The following UBE2G1 variants were observed in gnomAD, a reference collection of about 807,000 sequenced individuals.
The protein encoded by UBE2G1 is ubiquitin conjugating enzyme E2 G1, also known as ubiquitin-conjugating enzyme E2 G1.
In UBE2G1, 5 loss-of-function variants were observed where a neutral mutation model predicts 22.7. The observed-to-expected ratio is 0.22, with a 90% CI of 0.12 to 0.46. The LOEUF is 0.46. Among genes scored for constraint, UBE2G1 ranks in the 20% least tolerant of loss-of-function variants. The pLI is 0.99. For synonymous variants in UBE2G1, 74 were observed against 67.5 expected (o/e 1.10, Z -0.47); for missense variants, 88 against 203.9 (o/e 0.43, Z 3.46).
intron 1 of UBE2G1, among the ~76,000 whole-genome samples, chr17:4,357,078 G>A (rs144897740): frequency 5.9e-5 from 9 of 151,836 alleles, no homozygotes; most frequent in Admixed American, 4.6e-4. Context: ...CTGCCCCATC[G>A]GCATTTTCAA....
intron 1 of UBE2G1, among the ~76,000 whole-genome samples, chr17:4,364,949 G>A (rs959525245): frequency 1.3e-5 from 2 of 152,144 alleles, no homozygotes; most frequent in Non-Finnish European, 2.9e-5. Context: ...TCCATTTACT[G>A]CAAGCTAACT....
chr17:4,298,744 T>A (rs1248408452), intron 2 of UBE2G1, among the ~76,000 whole-genome samples: 2 of 152,116 alleles, frequency 1.3e-5, no homozygotes, highest in Admixed American at 6.6e-5. Flanking sequence ...ATACAAAAAA[T>A]TTAACAGTTG....
chr17:4,294,588 T>C (rs1214571971), intron 3 of UBE2G1, among the ~76,000 whole-genome samples: 1 of 152,132 alleles, frequency 6.6e-6, no homozygotes, highest in African/African-American at 2.4e-5. Flanking sequence ...TGTATTTGCT[T>C]ACATGTATGT....
At chr17:4,294,415 CAAAAAAAAAA>C (rs68047533) in intron 3 of UBE2G1, among the ~76,000 whole-genome samples, 1 of 117,202 alleles carries the variant, frequency 8.5e-6, no homozygotes, top group African/African-American at 4.4e-5. Flanking sequence ...GACTCCGTCT[CAAAAAAAAAA>C]AAAAAAAAAA....
chr17:4,324,719 G>A (rs940203303), intron 1 of UBE2G1, among the ~76,000 whole-genome samples: 1 of 152,094 alleles, frequency 6.6e-6, no homozygotes, highest in East Asian at 1.9e-4. Context: ...TGTCCAGCCA[G>A]TTAAATGATT....
intron 1 of UBE2G1, among the ~76,000 whole-genome samples, chr17:4,358,164 G>C (rs921069378): frequency 6.6e-6 from 1 of 151,878 alleles, no homozygotes; most frequent in Non-Finnish European, 1.5e-5. Flanking sequence ...GATATCTTAC[G>C]GTGATTTCAA....
intron 1 of UBE2G1, among the ~76,000 whole-genome samples, chr17:4,311,977 T>C (rs1236353956): frequency 6.6e-6 from 1 of 152,118 alleles, no homozygotes; most frequent in Non-Finnish European, 1.5e-5. Flanking sequence ...CTGGGCACGG[T>C]GGCTCCCGCC....
chr17:4,342,473 G>A (rs908039033), intron 1 of UBE2G1, among the ~76,000 whole-genome samples: 6 of 152,298 alleles, frequency 3.9e-5, no homozygotes, highest in African/African-American at 1.4e-4. Flanking sequence ...CATGCCTATG[G>A]TCCCAGCTAC....
intron 1 of UBE2G1, among the ~76,000 whole-genome samples, chr17:4,314,064 T>A (rs892957229): frequency 6.6e-6 from 1 of 152,162 alleles, no homozygotes; most frequent in Non-Finnish European, 1.5e-5. Context: ...ATTAGATGAA[T>A]ATAAAATGAC....
intron 4 of UBE2G1, among the ~76,000 whole-genome samples, chr17:4,283,526 G>T: frequency 6.6e-6 from 1 of 152,158 alleles, no homozygotes; most frequent in East Asian, 1.9e-4. Flanking sequence ...TTGGTAATCT[G>T]AAGGATTACC....
chr17:4,312,792 A>T (rs1969326903), intron 1 of UBE2G1, among the ~76,000 whole-genome samples: 1 of 152,008 alleles, frequency 6.6e-6, no homozygotes, highest in South Asian at 2.1e-4. Context: ...TGATAAACAC[A>T]TACAGCTCAG....
At chr17:4,290,957 C>G (rs1420368870) in intron 3 of UBE2G1, among the ~76,000 whole-genome samples, 1 of 152,108 alleles carries the variant, frequency 6.6e-6, no homozygotes, top group African/African-American at 2.4e-5. Context: ...ACAGGCAAGG[C>G]CCGTGCCTTC....
intron 1 of UBE2G1, among the ~76,000 whole-genome samples, chr17:4,348,142 C>G (rs1969801485): frequency 6.6e-6 from 1 of 152,204 alleles, no homozygotes; most frequent in Admixed American, 6.5e-5. Context: ...CCTGTAGTCC[C>G]AACTACTTGG....
intron 3 of UBE2G1, among the ~76,000 whole-genome samples, chr17:4,294,862 C>A (rs116379858): frequency 2.3e-4 from 35 of 151,916 alleles, no homozygotes; most frequent in Non-Finnish European, 4.9e-4. Context: ...GTGATCATGC[C>A]ATTGCACTGC....
At chr17:4,282,427 C>T (rs573700504) in intron 5 of UBE2G1, among the ~76,000 whole-genome samples, 65 of 152,252 alleles carry the variant, frequency 4.3e-4, no homozygotes, top group African/African-American at 1.5e-3. Flanking sequence ...AATAGTCTTG[C>T]CTATACCCTA....
chr17:4,315,740 A>AAAAAAAC (rs554899911), intron 1 of UBE2G1, among the ~76,000 whole-genome samples: 1 of 146,558 alleles, frequency 6.8e-6, no homozygotes, highest in South Asian at 2.1e-4. Context: ...ACTCCATCTC[A>AAAAAAAC]AAAAAACAAA....
intron 1 of UBE2G1, among the ~76,000 whole-genome samples, chr17:4,326,889 G>A (rs1050915131): frequency 1.3e-5 from 2 of 152,256 alleles, no homozygotes; most frequent in Non-Finnish European, 2.9e-5. Context: ...GCAGCCAGGT[G>A]CAGTGGCTCA....
At chr17:4,304,117 G>A (rs1318759279) in intron 2 of UBE2G1, among the ~76,000 whole-genome samples, 5 of 152,068 alleles carry the variant, frequency 3.3e-5, no homozygotes, top group Non-Finnish European at 5.9e-5. Flanking sequence ...TCCACCTCCT[G>A]GGCTCAGCCT....
chr17:4,336,892 G>A (rs74985686), intron 1 of UBE2G1, among the ~76,000 whole-genome samples: 2,672 of 152,140 alleles, frequency 0.018, 71 homozygotes, highest in African/African-American at 0.061. Flanking sequence ...GAAAGAATGA[G>A]ATCAAGTCTC....
Sources: gnomAD v4.1 joint callset for allele counts (sites outside exome capture counted in the v4.1 genomes callset) on GRCh38, gnomAD v4.1.1 for gene constraint, MANE v1.5 for transcripts, NCBI Gene and HGNC (gene_info 2026-07-23, HGNC 2026-07-21) for gene names.